Variants in SRRM4 observed in about 807,000 individuals in gnomAD.
The protein encoded by SRRM4 is serine/arginine repetitive matrix protein 4.
A neutral mutation model predicts 68.9 loss-of-function variants in SRRM4; 33 were observed. The ratio of observed to expected loss-of-function variants is 0.48; its 90% CI spans 0.36 to 0.64. The LOEUF (loss-of-function observed/expected upper bound fraction) is 0.64, where lower values mean the gene tolerates loss of function less well. SRRM4 is among the 30% of genes least tolerant of loss of function. The probability of loss-of-function intolerance (pLI) is 0.00; values close to 1 mark genes in which losing one functional copy is unlikely to be tolerated. For synonymous variants in SRRM4, 318 were observed against 318.8 expected (o/e 1.00, Z 0.03); for missense variants, 817 against 827.1 (o/e 0.99, Z 0.15).
intron 1 of SRRM4, among the ~76,000 whole-genome samples, chr12:119,069,145 T>G (rs1484898526): frequency 6.6e-6 from 1 of 152,144 alleles, no homozygotes; most frequent in East Asian, 1.9e-4. Context: ...GGGAGAGCCC[T>G]AAATAGTAAA....
intron 1 of SRRM4, among the ~76,000 whole-genome samples, chr12:119,011,792 G>A (rs1195865048): frequency 6.6e-6 from 1 of 152,122 alleles, no homozygotes; most frequent in African/African-American, 2.4e-5. Context: ...CAGTGCCATT[G>A]CCGAGTGTCA....
chr12:119,049,307 C>T (rs963654550), intron 1 of SRRM4, among the ~76,000 whole-genome samples: 3 of 152,256 alleles, frequency 2.0e-5, no homozygotes, highest in African/African-American at 4.8e-5. Context: ...CAAAGTGTAT[C>T]CCAGGCACAT....
At chr12:119,031,113 G>T (rs139037653) in intron 1 of SRRM4, 3 of 152,264 alleles carry the variant, frequency 2.0e-5, no homozygotes, top group African/African-American at 7.2e-5. Context: ...CTGCTTCAAG[G>T]TTTCTCTTAG....
chr12:118,993,977 TA>T (rs2135990467), intron 1 of SRRM4: 1 of 152,274 alleles, frequency 6.6e-6, no homozygotes, highest in African/African-American at 2.4e-5. Flanking sequence ...TTGTCTGCAC[TA>T]AGTTGGGCAT....
chr12:119,084,173 G>A (rs942102850), intron 1 of SRRM4, among the ~76,000 whole-genome samples: 2 of 152,200 alleles, frequency 1.3e-5, no homozygotes, highest in Non-Finnish European at 2.9e-5. Context: ...CCAGCCCTCT[G>A]AGATCACAGT....
intron 6 of SRRM4, among the ~76,000 whole-genome samples, chr12:119,124,702 A>C (rs950694242): frequency 6.6e-6 from 1 of 152,174 alleles, no homozygotes; most frequent in Non-Finnish European, 1.5e-5. Context: ...TTTGTAGCCC[A>C]TCCTGAAAGG....
intron 1 of SRRM4, among the ~76,000 whole-genome samples, chr12:119,000,446 C>T (rs936497161): frequency 1.3e-5 from 2 of 152,168 alleles, no homozygotes; most frequent in African/African-American, 4.8e-5. Flanking sequence ...ACCAAGGACC[C>T]GTGAACTTTC....
rs753782698 is a variant in SRRM4, at chr12:119,135,524, G to A, written c.771+4690G>A. 3.0e-4 allele frequency among the ~76,000 whole-genome samples: 45 copies of A among 152,310 alleles called. 1 individual carries two copies. Among genetic ancestry groups the A allele is most frequent in the Middle Eastern group, 3.4e-3 (1 of 294 alleles). ...ATGATTAAGACATGAACTTTGGAAT[G>A]GATCTGGGCACCCTGGAGTTCTTGA... On this transcript the variant is annotated intron_variant, in intron 8 of 12. Transcript: ENST00000267260.
intron 1 of SRRM4, among the ~76,000 whole-genome samples, chr12:119,093,434 T>TCC (rs1954026231): frequency 6.6e-6 from 1 of 152,220 alleles, no homozygotes; most frequent in Non-Finnish European, 1.5e-5. Flanking sequence ...TTAGGGCTTC[T>TCC]TTCCACTTCC....
intron 5 of SRRM4, among the ~76,000 whole-genome samples, chr12:119,121,272 C>T (rs1186165999): frequency 3.3e-5 from 5 of 152,114 alleles, no homozygotes; most frequent in Non-Finnish European, 7.4e-5. Flanking sequence ...AAAATTGCCC[C>T]TTCCCAGGTC....
chr12:119,129,117 C>T (rs1353951435), intron 7 of SRRM4, among the ~76,000 whole-genome samples: 1 of 152,212 alleles, frequency 6.6e-6, no homozygotes, highest in Non-Finnish European at 1.5e-5. Flanking sequence ...GGCTGTTTGA[C>T]CTCAGGAAGA....
chr12:119,120,110 T>A, intron 4 of SRRM4, 140 bp from the exon 5 acceptor site: 3 of 531,140 alleles, frequency 5.6e-6, no homozygotes, highest in African/African-American at 2.0e-5. Context: ...CCTCCCTCCC[T>A]TCCTTCACCA....
intron 1 of SRRM4, among the ~76,000 whole-genome samples, chr12:118,999,717 T>G (rs2135992667): frequency 6.6e-6 from 1 of 152,328 alleles, no homozygotes; most frequent in African/African-American, 2.4e-5. Context: ...ATTTTGCAGC[T>G]GAGGAAATTG....
At chr12:119,100,127 T>A (rs1954069328) in intron 1 of SRRM4, among the ~76,000 whole-genome samples, 1 of 152,076 alleles carries the variant, frequency 6.6e-6, no homozygotes, top group South Asian at 2.1e-4. Context: ...CTTCTCTGAT[T>A]ATTATATACA....
At chr12:119,005,754 T>C (rs370607847) in intron 1 of SRRM4, among the ~76,000 whole-genome samples, 17 of 152,368 alleles carry the variant, frequency 1.1e-4, no homozygotes, top group Middle Eastern at 3.4e-3. Flanking sequence ...TTTGCATTAT[T>C]GTTACTGATG....
rs184002700 is a variant in SRRM4, at chr12:119,050,971, G to A, written c.132-51265G>A. Among the ~76,000 whole-genome samples, 790 of 152,268 alleles carry A rather than the reference G, an allele frequency of 5.2e-3. 2 individuals carry two copies. Among genetic ancestry groups the A allele is most frequent in the Middle Eastern group, 0.014 (4 of 294 alleles). On this transcript the variant is annotated intron_variant, in intron 1 of 12. Coordinates refer to ENST00000267260, the MANE Select transcript of SRRM4 (RefSeq NM_194286.4). ...CATATTGGACAGAGAGATACAAGAT[G>A]TAGACCATCTCTGTCATCATAGAAA...
At chr12:119,042,206 G>T (rs187765768) in intron 1 of SRRM4, among the ~76,000 whole-genome samples, 1 of 152,116 alleles carries the variant, frequency 6.6e-6, no homozygotes, top group Non-Finnish European at 1.5e-5. Context: ...GCCCTGTAAT[G>T]CAGTTTGAAT....
rs150583327 is a variant in SRRM4 at position 118,986,567 on chromosome 12, G to A, written c.131+4554G>A. On this transcript the variant is annotated intron_variant, in intron 1 of 12. Transcript: ENST00000267260. Reference sequence around the variant, plus strand: ...CCCACCCCACCTCCAGTTCTGAGACGCTGAGGCTTCTGATCAATGCAACTT... The same window carrying A: ...CCCACCCCACCTCCAGTTCTGAGACACTGAGGCTTCTGATCAATGCAACTT... Among the ~76,000 whole-genome samples, 37 of 152,224 alleles carry A rather than the reference G, an allele frequency of 2.4e-4. No individual in the cohort carries two copies. The East Asian group carries it at 5.0e-3, about 21-fold the overall frequency.
chr12:119,080,589 G>A (rs1047483926), intron 1 of SRRM4, among the ~76,000 whole-genome samples: 2 of 152,126 alleles, frequency 1.3e-5, no homozygotes, highest in Non-Finnish European at 2.9e-5. Flanking sequence ...CCCACCATGT[G>A]GCTCCTTCTT....
Sources: allele counts gnomAD v4.1 joint callset (sites outside exome capture counted in the v4.1 genomes callset), GRCh38; gene constraint gnomAD v4.1.1; transcripts MANE v1.5; gene names NCBI Gene and HGNC (gene_info 2026-07-23, HGNC 2026-07-21).